The following OSBPL8 variants were observed in gnomAD, a reference collection of about 807,000 sequenced individuals.
OSBPL8 encodes the protein oxysterol-binding protein-related protein 8.
OSBPL8 carries 59 observed loss-of-function variants against 125.5 expected under a neutral mutation model. That is an observed-to-expected ratio of 0.47 (90% CI 0.38 to 0.58). The LOEUF (loss-of-function observed/expected upper bound fraction) is 0.58. Among genes scored for constraint, OSBPL8 ranks in the 20% least tolerant of loss-of-function variants. OSBPL8 has a pLI of 0.00. For synonymous variants in OSBPL8, 330 were observed against 338.9 expected (o/e 0.97, Z 0.29); for missense variants, 758 against 1,047.8 (o/e 0.72, Z 3.82).
At chr12:76,460,947 A>C (rs1280034627) in intron 2 of OSBPL8, among the ~76,000 whole-genome samples, 3 of 152,218 alleles carry the variant, frequency 2.0e-5, no homozygotes, top group African/African-American at 4.8e-5. Flanking sequence ...ACCTCCTTGA[A>C]TAAAATCTTG....
intron 1 of OSBPL8, among the ~76,000 whole-genome samples, chr12:76,498,091 CAG>C (rs968739958): frequency 6.6e-6 from 1 of 152,172 alleles, no homozygotes; most frequent in African/African-American, 2.4e-5. Flanking sequence ...AGATATTTCT[CAG>C]GCAAATGATT....
At chr12:76,381,465 C>CT (rs1953048029) in intron 15 of OSBPL8, among the ~76,000 whole-genome samples, 1 of 152,150 alleles carries the variant, frequency 6.6e-6, no homozygotes, top group South Asian at 2.1e-4. Context: ...ATTTGTGTCT[C>CT]TTAAGAAATT....
intron 11 of OSBPL8, 92 bp from the exon 12 acceptor site, chr12:76,389,921 T>G: frequency 9.8e-6 from 9 of 920,004 alleles, no homozygotes; most frequent in Non-Finnish European, 1.4e-5. Flanking sequence ...TGAACTCTTC[T>G]CAGGACTACT....
rs1344288934 is a variant in OSBPL8, at chr12:76,352,122, G to A, written c.*3767C>T. On this transcript the variant is annotated 3_prime_UTR_variant, in exon 24 of 24. Transcript: ENST00000261183. ...TTAAACTCAGATGTATATTTAGCAT[G>A]CTAAAAAGTGAAAAAAATTTCAACT... is the stretch of plus-strand genomic sequence containing the variant. 1 of 152,482 alleles carries A rather than the reference G, an allele frequency of 6.6e-6. No homozygotes were observed. The highest frequency in any genetic ancestry group is 1.9e-4 in the East Asian group (1 of 5,198). The allele number at this position is 152,482 out of a possible 1,614,324, so 9.4% of individuals were successfully genotyped here. A position where few individuals can be genotyped will look rare whatever the true frequency, so the allele number is the denominator to read the frequency against.
intron 4 of OSBPL8, among the ~76,000 whole-genome samples, chr12:76,430,004 C>T (rs959329399): frequency 4.6e-5 from 7 of 152,098 alleles, no homozygotes; most frequent in Non-Finnish European, 8.8e-5. Flanking sequence ...CACTAGCACC[C>T]CTGGTAACAG....
intron 1 of OSBPL8, among the ~76,000 whole-genome samples, chr12:76,500,540 A>G (rs1379339521): frequency 6.6e-6 from 1 of 152,216 alleles, no homozygotes; most frequent in Admixed American, 6.5e-5. Flanking sequence ...AAAATTGCAT[A>G]TGTTCCTATC....
At chr12:76,533,011 T>TAGG (rs1950390098) in intron 1 of OSBPL8, among the ~76,000 whole-genome samples, 1 of 152,220 alleles carries the variant, frequency 6.6e-6, no homozygotes, top group Non-Finnish European at 1.5e-5. Flanking sequence ...TAAATTGATA[T>TAGG]AGGTACTATT....
chr12:76,529,189 C>T (rs1051324802), intron 1 of OSBPL8, among the ~76,000 whole-genome samples: 12 of 152,000 alleles, frequency 7.9e-5, no homozygotes, highest in African/African-American at 2.9e-4. Context: ...TTATTTAAAG[C>T]ATTATGAACT....
intron 13 of OSBPL8, 111 bp from the exon 14 acceptor site, chr12:76,386,377 A>G: frequency 2.2e-6 from 3 of 1,387,750 alleles, no homozygotes; most frequent in Non-Finnish European, 2.9e-6. Context: ...TCCTTATAAA[A>G]TTTCAAAGTA....
intron 1 of OSBPL8, among the ~76,000 whole-genome samples, chr12:76,513,312 C>T (rs77725291): frequency 0.013 from 2,014 of 152,212 alleles, 33 homozygotes; most frequent in African/African-American, 0.041. Context: ...GATTTTGGTT[C>T]GTTTGCATTT....
chr12:76,356,540 T>C, intron 23 of OSBPL8, 86 bp downstream of exon 23: 1 of 785,536 alleles, frequency 1.3e-6, no homozygotes, highest in African/African-American at 1.8e-5. Context: ...TATAAAAATA[T>C]GAAGTCTGCA....
At chr12:76,409,130 T>A (rs770571841) in intron 5 of OSBPL8, among the ~76,000 whole-genome samples, 1 of 152,108 alleles carries the variant, frequency 6.6e-6, no homozygotes, top group Admixed American at 6.6e-5. Flanking sequence ...CCCGAAAATA[T>A]AGGGGCATAC....
rs145211683 is a variant in OSBPL8 at position 76,409,808 on chromosome 12, G to A, written c.288+756C>T. On this transcript the variant is annotated intron_variant, in intron 5 of 23. Coordinates refer to ENST00000261183, the MANE Select transcript of OSBPL8 (RefSeq NM_020841.5). ...TCAAGAACAGGAGCAAAAAATGTGGGTTGTAAGAGCAAGCCCAACTGCTGA... is the reference window on the plus strand; with the variant it reads ...TCAAGAACAGGAGCAAAAAATGTGGATTGTAAGAGCAAGCCCAACTGCTGA... Among the ~76,000 whole-genome samples, 102 of 152,224 alleles carry A rather than the reference G, an allele frequency of 6.7e-4. 2 individuals carry two copies. The East Asian group carries it at 0.017, about 26-fold the overall frequency.
chr12:76,492,624 C>A (rs1172936207), intron 1 of OSBPL8, among the ~76,000 whole-genome samples: 5 of 152,170 alleles, frequency 3.3e-5, no homozygotes, highest in Non-Finnish European at 7.3e-5. Flanking sequence ...GGAGCATGAA[C>A]ACTATTGTGA....
rs143978538 is a variant in OSBPL8 at position 76,438,671 on chromosome 12, A to T, written c.217+12180T>A. On this transcript the variant is annotated intron_variant, in intron 4 of 23. Transcript: ENST00000261183. ...GATCAAGTCTATTCCTAGTTTGCTA[A>T]GAGTTTTTATCGTGAGTAGATGTTA... Among the ~76,000 whole-genome samples the T allele has an allele frequency of 5.3e-3, 803 of 152,322 alleles. 7 individuals carry two copies. The highest frequency in any genetic ancestry group is 0.019 in the African/African-American group (775 of 41,568).
intron 1 of OSBPL8, among the ~76,000 whole-genome samples, chr12:76,553,838 A>T (rs1260318379): frequency 6.6e-6 from 1 of 151,712 alleles, no homozygotes; most frequent in Non-Finnish European, 1.5e-5. Flanking sequence ...TTAGCTGGGC[A>T]TGGTGGCATG....
intron 11 of OSBPL8, chr12:76,390,097 GAT>G (rs773706656): frequency 7.3e-6 from 3 of 408,422 alleles, no homozygotes; most frequent in Non-Finnish European, 8.6e-6. Context: ...TTACTTCTAT[GAT>G]GCACTGGCAA....
chr12:76,514,541 T>G (rs1338797918), intron 1 of OSBPL8, among the ~76,000 whole-genome samples: 4 of 152,188 alleles, frequency 2.6e-5, no homozygotes, highest in Non-Finnish European at 5.9e-5. Context: ...AGATCTGCTG[T>G]TAGCCTGATG....
intron 2 of OSBPL8, chr12:76,486,040 G>A (rs1174330202): frequency 6.9e-6 from 3 of 432,278 alleles, no homozygotes; most frequent in East Asian, 7.1e-5. Flanking sequence ...CTTACCATCC[G>A]TTTTTCATTT....
Sources: allele counts gnomAD v4.1 joint callset (sites outside exome capture counted in the v4.1 genomes callset), GRCh38; gene constraint gnomAD v4.1.1; transcripts MANE v1.5; gene names NCBI Gene and HGNC (gene_info 2026-07-23, HGNC 2026-07-21).